Variants in MIPOL1 observed in about 807,000 individuals in gnomAD.
MIPOL1 encodes mirror-image polydactyly 1, also known as mirror-image polydactyly gene 1 protein.
Under a neutral mutation model 60.9 loss-of-function variants are expected in MIPOL1, and 57 were observed. That is an observed-to-expected ratio of 0.94 (90% CI 0.76 to 1.17). The LOEUF (loss-of-function observed/expected upper bound fraction) is 1.17. Ranked by LOEUF, MIPOL1 falls within the 50% of genes most tolerant of loss-of-function variation. The pLI, the probability that MIPOL1 is intolerant of heterozygous loss-of-function variation, is 0.00. For synonymous variants in MIPOL1, 179 were observed against 168.8 expected, an observed-to-expected ratio of 1.06 and a Z score of -0.47; for missense variants, 551 against 511.6, an observed-to-expected ratio of 1.08 and a Z score of -0.74.
At chr14:37,307,674 A>G (rs1306855137) in intron 7 of MIPOL1, among the ~76,000 whole-genome samples, 1 of 151,976 alleles carries the variant, frequency 6.6e-6, no homozygotes, top group Non-Finnish European at 1.5e-5. Flanking sequence ...GCCTTGTTTT[A>G]CTTATGATGG....
chr14:37,281,110 C>T (rs1275103152), intron 6 of MIPOL1, among the ~76,000 whole-genome samples: 1 of 152,086 alleles, frequency 6.6e-6, no homozygotes, highest in Non-Finnish European at 1.5e-5. Context: ...AACTTTCCCC[C>T]TGTGTTATCT....
At chr14:37,463,838 A>C (rs907398940) in intron 11 of MIPOL1, among the ~76,000 whole-genome samples, 6 of 152,228 alleles carry the variant, frequency 3.9e-5, no homozygotes, top group Non-Finnish European at 1.5e-5. Context: ...AGAAGAGAGG[A>C]GATATTTGCT....
chr14:37,462,993 A>G (rs1406520168), intron 11 of MIPOL1, among the ~76,000 whole-genome samples: 1 of 152,120 alleles, frequency 6.6e-6, no homozygotes, highest in African/African-American at 2.4e-5. Context: ...CTTTTCAGCA[A>G]TGCCCCATTC....
intron 11 of MIPOL1, among the ~76,000 whole-genome samples, chr14:37,471,421 A>G (rs2094687397): frequency 6.6e-6 from 1 of 152,152 alleles, no homozygotes; most frequent in Non-Finnish European, 1.5e-5. Context: ...GTATATCTCC[A>G]TGTTCTCTTA....
intron 10 of MIPOL1, among the ~76,000 whole-genome samples, chr14:37,394,011 T>C (rs1425406376): frequency 2.1e-5 from 3 of 145,136 alleles, no homozygotes; most frequent in African/African-American, 5.0e-5. Context: ...TCATCCAGGT[T>C]GCTGCAAATG....
intron 9 of MIPOL1, among the ~76,000 whole-genome samples, chr14:37,367,702 T>G (rs1488396487): frequency 6.6e-6 from 1 of 152,096 alleles, no homozygotes; most frequent in Non-Finnish European, 1.5e-5. Context: ...GCCCCACCTT[T>G]GAATCCTTAT....
chr14:37,354,142 T>C (rs540727035), intron 9 of MIPOL1, among the ~76,000 whole-genome samples: 1 of 151,832 alleles, frequency 6.6e-6, no homozygotes, highest in Admixed American at 6.6e-5. Context: ...ACATCTTTAT[T>C]TCTGCCTTCA....
rs553373468 is a variant in MIPOL1 at position 37,440,129 on chromosome 14, G to C, written c.1031+17180G>C. ...CCCAAAGTGCTAGGATTACAGGCATGAGCCACTACACCTGGCCTACAAATA... is the reference window on the plus strand; with the variant it reads ...CCCAAAGTGCTAGGATTACAGGCATCAGCCACTACACCTGGCCTACAAATA... On this transcript the variant is annotated intron_variant, in intron 11 of 12. Coordinates refer to ENST00000684589, the MANE Select transcript of MIPOL1 (RefSeq NM_001388067.1). Among the ~76,000 whole-genome samples, 37 of 152,280 alleles carry C rather than the reference G, an allele frequency of 2.4e-4. No homozygotes were observed. The East Asian group carries it at 6.0e-3, about 25-fold the overall frequency.
intron 12 of MIPOL1, among the ~76,000 whole-genome samples, chr14:37,525,364 ATCATTGTG>A (rs2153633406): frequency 6.6e-6 from 1 of 152,370 alleles, no homozygotes; most frequent in South Asian, 2.1e-4. Context: ...GGAAGGTTTT[ATCATTGTG>A]AAAACCATAT....
At position 37,469,239 on chromosome 14, in the gene MIPOL1, G is replaced by C. The variant is rs1354196162; in HGVS notation, c.1032-30669G>C. Among the ~76,000 whole-genome samples, 38 of 152,170 alleles carry C rather than the reference G, an allele frequency of 2.5e-4. 1 individual carries two copies. Among genetic ancestry groups the C allele is most frequent in the Admixed American group, 2.5e-3 (38 of 15,280 alleles). Reference sequence around the variant, plus strand: ...GGAAGCATAGTGGCATCTGCTTCTGGAGAGGCAACAGGAAGTTTCCAATCA... The same window carrying C: ...GGAAGCATAGTGGCATCTGCTTCTGCAGAGGCAACAGGAAGTTTCCAATCA... On this transcript the variant is annotated intron_variant, in intron 11 of 12. Coordinates refer to ENST00000684589, the MANE Select transcript of MIPOL1 (RefSeq NM_001388067.1).
At chr14:37,348,622 C>A (rs949929210) in intron 9 of MIPOL1, among the ~76,000 whole-genome samples, 1 of 151,406 alleles carries the variant, frequency 6.6e-6, no homozygotes, top group Non-Finnish European at 1.5e-5. Flanking sequence ...TATATTATAA[C>A]CATTATATAT....
chr14:37,443,457 CAAAAAAAAAAAA>C (rs3062712), intron 11 of MIPOL1, among the ~76,000 whole-genome samples: 3 of 45,460 alleles, frequency 6.6e-5, no homozygotes, highest in Non-Finnish European at 1.2e-4. Flanking sequence ...ACTATCTCAC[CAAAAAAAAAAAA>C]AAAAAAAAAA....
At chr14:37,420,509 G>A (rs1396133162) in intron 10 of MIPOL1, among the ~76,000 whole-genome samples, 2 of 152,050 alleles carry the variant, frequency 1.3e-5, no homozygotes, top group Non-Finnish European at 1.5e-5. Flanking sequence ...TTGACATATA[G>A]TATGATAGGA....
chr14:37,212,046 G>A (rs1455609210), intron 1 of MIPOL1, among the ~76,000 whole-genome samples: 3 of 151,970 alleles, frequency 2.0e-5, no homozygotes, highest in Non-Finnish European at 2.9e-5. Flanking sequence ...GAGCCCTTGG[G>A]CCCTGCATAA....
rs145666843 is a variant in MIPOL1, at chr14:37,534,375, A to G, written c.1263-12530A>G. Among the ~76,000 whole-genome samples the G allele has an allele frequency of 3.9e-5, 6 of 152,318 alleles. No homozygotes were observed. The East Asian group carries it at 1.2e-3, about 29-fold the overall frequency. ...CAAAATATATACTACAAATCTTCAC[A>G]TTAATTAATTGACTTTCTTTTATTC... On this transcript the variant is annotated intron_variant, in intron 12 of 12. Transcript: ENST00000684589.
At chr14:37,209,331 G>A (rs922000674) in intron 1 of MIPOL1, among the ~76,000 whole-genome samples, 1 of 151,934 alleles carries the variant, frequency 6.6e-6, no homozygotes, top group East Asian at 1.9e-4. Flanking sequence ...TTTTATTATT[G>A]CCTTTTTTCT....
intron 9 of MIPOL1, among the ~76,000 whole-genome samples, chr14:37,308,774 C>T (rs150508183): frequency 6.6e-6 from 1 of 152,038 alleles, no homozygotes; most frequent in African/African-American, 2.4e-5. Flanking sequence ...TTATTACAGA[C>T]TAACTTGTTA....
chr14:37,240,420 A>C (rs901326338), intron 1 of MIPOL1: 2 of 152,192 alleles, frequency 1.3e-5, no homozygotes, highest in Non-Finnish European at 2.9e-5. Context: ...AGCTTACTCT[A>C]ATACATTTTC....
rs567019450 is a variant in MIPOL1 at position 37,438,268 on chromosome 14, T to A, written c.1031+15319T>A. Among the ~76,000 whole-genome samples the A allele has an allele frequency of 4.6e-5, 7 of 152,340 alleles. No homozygotes were observed. The South Asian group carries it at 1.4e-3, about 32-fold the overall frequency. On this transcript the variant is annotated intron_variant, in intron 11 of 12. Coordinates refer to ENST00000684589, the MANE Select transcript of MIPOL1 (RefSeq NM_001388067.1). ...CAAAGTATAACATTTTCTTCAATGT[T>A]TTGTGTTAAAACTGTTACCCTAGAA...
Sources: allele counts gnomAD v4.1 joint callset (sites outside exome capture counted in the v4.1 genomes callset), GRCh38; gene constraint gnomAD v4.1.1; transcripts MANE v1.5; gene names NCBI Gene and HGNC (gene_info 2026-07-23, HGNC 2026-07-21).